SORCS1: variants seen among roughly 807,000 people sequenced by gnomAD.
SORCS1 encodes VPS10 domain-containing receptor SorCS1.
A neutral mutation model predicts 146.1 loss-of-function variants in SORCS1; 60 were observed. The observed-to-expected ratio is 0.41, with a 90% CI of 0.33 to 0.51. SORCS1 has a LOEUF of 0.51. Among genes scored for constraint, SORCS1 ranks in the 20% least tolerant of loss-of-function variants. The probability of loss-of-function intolerance (pLI) is 0.21; values close to 1 mark genes in which losing one functional copy is unlikely to be tolerated. For synonymous variants in SORCS1, 637 were observed against 584.0 expected (o/e 1.09, Z -1.31); for missense variants, 1,352 against 1,487.6 (o/e 0.91, Z 1.50).
At chr10:106,595,828 C>T (rs902726204) in intron 24 of SORCS1, among the ~76,000 whole-genome samples, 1 of 152,170 alleles carries the variant, frequency 6.6e-6, no homozygotes, top group African/African-American at 2.4e-5. Context: ...GCTATCCATA[C>T]TTTAAGGTTC....
intron 18 of SORCS1, among the ~76,000 whole-genome samples, chr10:106,642,706 T>TA (rs1197864396): frequency 2.0e-5 from 3 of 151,516 alleles, no homozygotes; most frequent in African/African-American, 7.4e-5. Context: ...TCATATCCTA[T>TA]GTTTTTGCAA....
chr10:107,043,732 C>A (rs934188254), intron 1 of SORCS1, among the ~76,000 whole-genome samples: 3 of 152,182 alleles, frequency 2.0e-5, no homozygotes, highest in African/African-American at 7.2e-5. Context: ...CCAGCCCCTT[C>A]TGCCAGCCCT....
At chr10:106,798,866 T>C (rs111752947) in intron 3 of SORCS1, among the ~76,000 whole-genome samples, 1 of 152,236 alleles carries the variant, frequency 6.6e-6, no homozygotes, top group African/African-American at 2.4e-5. Context: ...TTTCACTGAA[T>C]TGGAAAAAAC....
Position 106,652,500 on chromosome 10 carries a change from G to T in SORCS1, c.2357C>A (p.Thr786Asn). The change falls in exon 18 of 26, where the codon ACT becomes AAT. Residue 786 changes from threonine to asparagine, a missense_variant. Physicochemically the swap from Thr to Asn is moderately conservative, Grantham distance 65. Transcript: ENST00000263054. ...CCCTGGGCACTTCTGCGGTTTGGCA[G>T]TGTACTGTTCCCTTACGCCATCAGT... ...NCTDGVREQY[T>N]AKPQKCPGKA... 1 of 1,614,140 alleles carries T rather than the reference G, an allele frequency of 6.2e-7. No individual in the cohort carries two copies. Among genetic ancestry groups the T allele is most frequent in the Non-Finnish European group, 8.5e-7 (1 of 1,180,010 alleles).
intron 5 of SORCS1, among the ~76,000 whole-genome samples, chr10:106,730,387 G>T: frequency 6.6e-6 from 1 of 152,196 alleles, no homozygotes; most frequent in East Asian, 1.9e-4. Flanking sequence ...CAGGTCCTAC[G>T]CATGTTGGGT....
chr10:107,120,285 C>T (rs1387623176), intron 1 of SORCS1, among the ~76,000 whole-genome samples: 3 of 152,090 alleles, frequency 2.0e-5, no homozygotes, highest in Non-Finnish European at 2.9e-5. Flanking sequence ...CAGCATAAAG[C>T]ATCTCTTACA....
chr10:106,731,173 G>A (rs1476958000), intron 5 of SORCS1, among the ~76,000 whole-genome samples: 1 of 151,716 alleles, frequency 6.6e-6, no homozygotes, highest in Non-Finnish European at 1.5e-5. Flanking sequence ...GCCGGGCGTG[G>A]TGGTGGGGTG....
At chr10:107,149,065 G>C (rs559909674) in intron 1 of SORCS1, among the ~76,000 whole-genome samples, 1 of 152,332 alleles carries the variant, frequency 6.6e-6, no homozygotes, top group East Asian at 1.9e-4. Context: ...TGCAAGGAAA[G>C]AAGGGAACTG....
chr10:107,032,013 T>C (rs905198595), intron 1 of SORCS1, among the ~76,000 whole-genome samples: 1 of 152,056 alleles, frequency 6.6e-6, no homozygotes, highest in African/African-American at 2.4e-5. Context: ...GGCATACCAG[T>C]GGAGTGAAAA....
chr10:106,916,254 G>A lies in SORCS1; in HGVS notation c.626+40259C>T, dbSNP rs1034303495. Among the ~76,000 whole-genome samples the A allele has an allele frequency of 4.6e-5, 7 of 151,632 alleles. No individual in the cohort carries two copies. The South Asian group carries it at 8.3e-4, about 18-fold the overall frequency. ...GAGAGCTGAAATCATTTCTGCTTTCGGTCACTAATATGTTTCCAAGGTCTA... is the reference window on the plus strand; with the variant it reads ...GAGAGCTGAAATCATTTCTGCTTTCAGTCACTAATATGTTTCCAAGGTCTA... On this transcript the variant is annotated intron_variant, in intron 2 of 25. Coordinates refer to ENST00000263054, the MANE Select transcript of SORCS1 (RefSeq NM_052918.5).
intron 2 of SORCS1, among the ~76,000 whole-genome samples, chr10:106,856,396 T>G (rs1175962812): frequency 6.6e-6 from 1 of 152,204 alleles, no homozygotes; most frequent in African/African-American, 2.4e-5. Context: ...CCCTGGAATG[T>G]GAACTTTACC....
intron 24 of SORCS1, among the ~76,000 whole-genome samples, chr10:106,593,146 G>C (rs367579141): frequency 6.9e-6 from 1 of 145,000 alleles, no homozygotes; most frequent in Non-Finnish European, 1.5e-5. Context: ...AAAAAAAAAA[G>C]AAACAAAACT....
intron 5 of SORCS1, among the ~76,000 whole-genome samples, chr10:106,736,526 C>G (rs1377122904): frequency 7.1e-6 from 1 of 141,758 alleles, no homozygotes; most frequent in Non-Finnish European, 1.5e-5. Context: ...GGTTTCCTCT[C>G]CTACAGTCAA....
chr10:106,977,899 G>A (rs1019508842), intron 1 of SORCS1, among the ~76,000 whole-genome samples: 11 of 152,166 alleles, frequency 7.2e-5, no homozygotes, highest in African/African-American at 2.7e-4. Context: ...CAAAATGGTA[G>A]CACATTCCCA....
At chr10:107,093,874 T>A (rs903596503) in intron 1 of SORCS1, among the ~76,000 whole-genome samples, 1 of 152,136 alleles carries the variant, frequency 6.6e-6, no homozygotes, top group East Asian at 1.9e-4. Context: ...TGTAACTTTA[T>A]CTTCTTGCTC....
chr10:106,655,455 C>T (rs1049797679), intron 17 of SORCS1, among the ~76,000 whole-genome samples: 4 of 152,060 alleles, frequency 2.6e-5, no homozygotes, highest in African/African-American at 4.8e-5. Context: ...CCAAGCACAC[C>T]TGTGATTCTC....
chr10:106,941,354 T>C (rs1954033361), intron 2 of SORCS1, among the ~76,000 whole-genome samples: 1 of 152,080 alleles, frequency 6.6e-6, no homozygotes, highest in South Asian at 2.1e-4. Flanking sequence ...CATAAGCCTA[T>C]TAGATAAATA....
At chr10:107,164,736 G>T (rs1041171652), upstream of SORCS1, among the ~76,000 whole-genome samples, 3 of 149,984 alleles carry the variant, frequency 2.0e-5, no homozygotes, top group African/African-American at 7.3e-5. This position sits in a 1 kb window ranked among gnomAD's most constrained non-coding sequence, Gnocchi z 6.8. Flanking sequence ...GGAGCGAGCC[G>T]CCGCCGCGCG....
intron 2 of SORCS1, among the ~76,000 whole-genome samples, chr10:106,952,959 G>T (rs113511559): frequency 6.6e-6 from 1 of 151,570 alleles, no homozygotes; most frequent in Non-Finnish European, 1.5e-5. Flanking sequence ...CTCCAGCCTG[G>T]GTGACAGGGT....
Sources: allele counts gnomAD v4.1 joint callset (sites outside exome capture counted in the v4.1 genomes callset), GRCh38; gene constraint gnomAD v4.1.1; non-coding constraint Gnocchi (gnomAD v3.1); transcripts MANE v1.5; gene names NCBI Gene and HGNC (gene_info 2026-07-23, HGNC 2026-07-21).